Variants in PXDN observed in about 807,000 individuals in gnomAD.
PXDN encodes peroxidasin, also known as peroxidasin homolog.
PXDN carries 77 observed loss-of-function variants against 140.3 expected under a neutral mutation model. The ratio of observed to expected loss-of-function variants is 0.55; its 90% CI spans 0.46 to 0.66. PXDN has a LOEUF of 0.66. Ranked by LOEUF, PXDN falls within the 30% of genes least tolerant of loss-of-function variation. The probability of loss-of-function intolerance (pLI) is 0.00; values close to 1 mark genes in which losing one functional copy is unlikely to be tolerated. For synonymous variants in PXDN, 911 were observed against 857.4 expected, an observed-to-expected ratio of 1.06 and a Z score of -1.09; for missense variants, 1,838 against 2,039.5, an observed-to-expected ratio of 0.90 and a Z score of 1.90.
intron 1 of PXDN, among the ~76,000 whole-genome samples, chr2:1,712,346 T>C (rs1423465625): frequency 6.6e-6 from 1 of 152,244 alleles, no homozygotes; most frequent in African/African-American, 2.4e-5. Flanking sequence ...CTTCTTAAGG[T>C]GATGTTTCAC....
chr2:1,739,625 A>C (rs749211667), intron 1 of PXDN, among the ~76,000 whole-genome samples: 1 of 152,148 alleles, frequency 6.6e-6, no homozygotes, highest in Non-Finnish European at 1.5e-5. Context: ...AGGGTCTCAC[A>C]TACTCCCTGG....
In PXDN at chr2:1,692,009, A is replaced by G; in HGVS notation, c.273-10T>C. 1.3e-6 allele frequency: 2 copies of G among 1,491,362 alleles called. No homozygotes were observed. Among genetic ancestry groups the G allele is most frequent in the South Asian group, 1.3e-5 (1 of 77,332 alleles). The allele number at this position is 1,491,362 out of a possible 1,614,324, so 92.4% of individuals were successfully genotyped here. The stretch of plus-strand genomic sequence containing the variant: ...ATTATTATTGAGAAGCCTATGAAAG[A>G]GAGTCGATAAGAATTTTAAAAAACA... On this transcript the variant is annotated splice_polypyrimidine_tract_variant and intron_variant, in intron 2 of 22. Transcript: ENST00000252804.
intron 9 of PXDN, chr2:1,671,984 CTT>C (rs1683589666): frequency 6.6e-6 from 1 of 152,200 alleles, no homozygotes; most frequent in Non-Finnish European, 1.5e-5. Context: ...TATTGTTCTT[CTT>C]TTAAAAGTTT....
intron 1 of PXDN, among the ~76,000 whole-genome samples, chr2:1,701,025 C>T (rs1684412498): frequency 6.6e-6 from 1 of 152,236 alleles, no homozygotes; most frequent in South Asian, 2.1e-4. Flanking sequence ...ACAGAAGCCA[C>T]CACCTGGCCC....
chr2:1,657,092 C>T (rs910880100), intron 14 of PXDN, among the ~76,000 whole-genome samples: 2 of 151,832 alleles, frequency 1.3e-5, no homozygotes, highest in Non-Finnish European at 2.9e-5. Flanking sequence ...TGGGACCTGC[C>T]CCCTCCTGAC....
chr2:1,723,642 TAATA>T (rs1430435986), intron 1 of PXDN, among the ~76,000 whole-genome samples: 1 of 151,752 alleles, frequency 6.6e-6, no homozygotes, highest in Non-Finnish European at 1.5e-5. Flanking sequence ...ACAGATGGAC[TAATA>T]AATGAATAGA....
intron 9 of PXDN, among the ~76,000 whole-genome samples, chr2:1,668,352 G>C (rs1683494382): frequency 6.6e-6 from 1 of 152,154 alleles, no homozygotes; most frequent in Non-Finnish European, 1.5e-5. Context: ...AAAAACCCTA[G>C]AAGAAAACCT....
chr2:1,692,432 G>C, intron 2 of PXDN: 2 of 463,018 alleles, frequency 4.3e-6, no homozygotes, highest in South Asian at 3.1e-5. Context: ...GCACAGACAA[G>C]GGCCTGGGGT....
At chr2:1,731,671 C>T (rs890849037) in intron 1 of PXDN, among the ~76,000 whole-genome samples, 1 of 152,174 alleles carries the variant, frequency 6.6e-6, no homozygotes, top group African/African-American at 2.4e-5. Context: ...GGAGACAGAT[C>T]GGCCTGACAC....
At chr2:1,672,957 C>T (rs1230048125) in intron 9 of PXDN, among the ~76,000 whole-genome samples, 1 of 152,166 alleles carries the variant, frequency 6.6e-6, no homozygotes, top group Non-Finnish European at 1.5e-5. Flanking sequence ...ACAGGCAGAC[C>T]CGTCCAGAGG....
At position 1,639,317 on chromosome 2, in the gene PXDN, G is replaced by C. The variant is rs1188276824; in HGVS notation, c.4058C>G (p.Pro1353Arg). Reference sequence around the variant, plus strand: ...ACCACCATACCTGGGTATTTTCCGTGGTCTTGTTTTCTTGGTCGGCTTGTC... The same window carrying C: ...ACCACCATACCTGGGTATTTTCCGTCGTCTTGTTTTCTTGGTCGGCTTGTC... ...QEDKPTKKTR[P>R]RKIPSVGRQG... The change falls in exon 20 of 23, where the codon CCA becomes CGA. Residue 1353 changes from proline to arginine, a missense_variant. By Grantham distance (103) the Pro-to-Arg change is moderately radical. This residue lies in a region of PXDN where 850 missense variants were observed against 894.1 expected (regional missense o/e 0.95). Transcript: ENST00000252804. The surrounding 1 kb of genome is among the most constrained non-coding windows in gnomAD (Gnocchi z 5.0). The C allele has an allele frequency of 3.7e-6, 6 of 1,613,570 alleles. No homozygotes were observed. The Middle Eastern group carries it at 6.6e-4, about 178-fold the overall frequency.
chr2:1,680,282 C>T lies in PXDN; in HGVS notation c.641G>A (p.Gly214Glu). 3.1e-6 allele frequency: 5 copies of T among 1,613,956 alleles called. No individual in the cohort carries two copies. Among genetic ancestry groups the T allele is most frequent in the Non-Finnish European group, 4.2e-6 (5 of 1,179,880 alleles). Residue 214 changes from glycine (G) to glutamate (E), a missense_variant, in exon 7 of 23, where the codon GGG becomes GAG. Physicochemically the swap from Gly to Glu is moderately conservative, Grantham distance 98 (BLOSUM62 -2). Transcript: ENST00000252804. ...ACAGATGGCCGCTGCCTGCGCGTTC[C>T]CCGACTCCGCGTAGGTTTTCAGCAA... ...ADLLKTYAES[G>E]NAQAAAICEY...
At position 1,638,831 on chromosome 2, in the gene PXDN, C is replaced by T. The variant is rs749579792; in HGVS notation, c.4206+15G>A. Reference sequence around the variant, plus strand: ...AATCTTGGAGTGGGGGGACACAGGCCGCCAGGCACCTCACCTGTGTTCTGA... The same window carrying T: ...AATCTTGGAGTGGGGGGACACAGGCTGCCAGGCACCTCACCTGTGTTCTGA... On this transcript the variant is annotated intron_variant, in intron 21 of 22. Transcript: ENST00000252804. The T allele has an allele frequency of 2.1e-5, 34 of 1,613,762 alleles. No individual in the cohort carries two copies. In the Middle Eastern group the frequency reaches 8.3e-4, roughly 39 times the overall value.
At chr2:1,661,788 CA>C (rs917582423) in intron 13 of PXDN, among the ~76,000 whole-genome samples, 13 of 152,054 alleles carry the variant, frequency 8.5e-5, no homozygotes, top group East Asian at 3.9e-4. Flanking sequence ...TTGAAAAGAT[CA>C]AAAAAATGGA....
rs1683363973 is a variant in PXDN, at chr2:1,663,734, G to C, written c.1438C>G (p.Leu480Val). 1 of 1,613,122 alleles carries C rather than the reference G, an allele frequency of 6.2e-7. No individual in the cohort carries two copies. The highest frequency in any genetic ancestry group is 8.5e-7 in the Non-Finnish European group (1 of 1,179,896). ...GSQLSVDRRH[L>V]VLSSGTLRIS... ...CTAAGTGTTCCCGATGACAGGACCA[G>C]GTGCCGCCGGTCCACGGAGAGCTGG... Residue 480 changes from leucine to valine, a missense_variant, in exon 12 of 23, where the codon CTG (leucine) becomes GTG (valine). This residue lies in a region of PXDN where 537 missense variants were observed against 583.9 expected (regional missense o/e 0.92). Transcript: ENST00000252804.
intron 1 of PXDN, among the ~76,000 whole-genome samples, chr2:1,710,504 C>T (rs1684726940): frequency 6.6e-6 from 1 of 150,920 alleles, no homozygotes; most frequent in Non-Finnish European, 1.5e-5. Context: ...TCTCCACTAG[C>T]ACCCACTCTC....
chr2:1,699,736 A>T (rs1031810626), intron 1 of PXDN, among the ~76,000 whole-genome samples: 19 of 150,124 alleles, frequency 1.3e-4, no homozygotes, highest in African/African-American at 4.4e-4. Flanking sequence ...CAAACAAACA[A>T]AAATAAATAA....
At chr2:1,661,432 C>T (rs571438031) in intron 13 of PXDN, among the ~76,000 whole-genome samples, 3 of 152,282 alleles carry the variant, frequency 2.0e-5, no homozygotes, top group South Asian at 2.1e-4. Context: ...CAGAGGCAGA[C>T]GCAGAGGGAC....
intron 1 of PXDN, among the ~76,000 whole-genome samples, chr2:1,737,100 G>A (rs1685438781): frequency 6.6e-6 from 1 of 152,186 alleles, no homozygotes; most frequent in Non-Finnish European, 1.5e-5. Context: ...AGGGCATCTG[G>A]ACAGGAGCAG....
Sources: allele counts gnomAD v4.1 joint callset (sites outside exome capture counted in the v4.1 genomes callset), GRCh38; gene constraint gnomAD v4.1.1; regional missense constraint gnomAD v4.1.1; non-coding constraint Gnocchi (gnomAD v3.1); transcripts MANE v1.5; gene names NCBI Gene and HGNC (gene_info 2026-07-23, HGNC 2026-07-21).